NEK3: variants seen among roughly 807,000 people sequenced by gnomAD.
NEK3 encodes the protein NIMA related kinase 3.
Under a neutral mutation model 66.0 loss-of-function variants are expected in NEK3, and 54 were observed. The observed-to-expected ratio is 0.82, with a 90% CI of 0.66 to 1.03. The LOEUF is 1.03. Ranked by LOEUF, NEK3 falls within the 50% of genes least tolerant of loss-of-function variation. NEK3 has a pLI of 0.00. For synonymous variants in NEK3, 200 were observed against 206.2 expected, an observed-to-expected ratio of 0.97 and a Z score of 0.26; for missense variants, 593 against 603.0, an observed-to-expected ratio of 0.98 and a Z score of 0.17.
At chr13:52,151,735 AAG>A (rs1292142499) in intron 5 of NEK3, among the ~76,000 whole-genome samples, 1 of 152,226 alleles carries the variant, frequency 6.6e-6, no homozygotes, top group African/African-American at 2.4e-5. Context: ...TGGTCACTAA[AAG>A]AGAGCTAGGA....
intron 14 of NEK3, among the ~76,000 whole-genome samples, chr13:52,134,519 AC>A (rs1322756870): frequency 6.6e-6 from 1 of 152,208 alleles, no homozygotes; most frequent in Non-Finnish European, 1.5e-5. Context: ...CTGAAGGAAG[AC>A]CACATGCATG....
At chr13:52,148,216 A>C (rs1956310327) in intron 8 of NEK3, 199 bp downstream of exon 8, 1 of 445,374 alleles carries the variant, frequency 2.2e-6, no homozygotes, top group Admixed American at 3.7e-5. Flanking sequence ...TGTATTGCAC[A>C]GCCAAACTGA....
chr13:52,140,407 GA>G (rs1956238697), intron 11 of NEK3, among the ~76,000 whole-genome samples: 1 of 151,976 alleles, frequency 6.6e-6, no homozygotes, highest in Non-Finnish European at 1.5e-5. Context: ...AGGAGATCGA[GA>G]CCATCCTGGC....
In NEK3 at chr13:52,132,965, G is replaced by A; in HGVS notation, c.*177C>T. The A allele has an allele frequency of 1.7e-6, 1 of 595,358 alleles. No individual in the cohort carries two copies. The highest frequency in any genetic ancestry group is 3.0e-6 in the Non-Finnish European group (1 of 336,166). The allele number at this position is 595,358 out of a possible 1,614,324, so 36.9% of individuals were successfully genotyped here. A position where few individuals can be genotyped will look rare whatever the true frequency, so the allele number is the denominator to read the frequency against. ...CCCTTGAGTTCAAAAACTTACAGGAGTTCTAGACTTTTCAAACTCACGATA... is the reference window on the plus strand; with the variant it reads ...CCCTTGAGTTCAAAAACTTACAGGAATTCTAGACTTTTCAAACTCACGATA... On this transcript the variant is annotated 3_prime_UTR_variant, in exon 16 of 16. Coordinates refer to ENST00000610828, the MANE Select transcript of NEK3 (RefSeq NM_002498.3).
At chr13:52,153,027 C>T in intron 4 of NEK3, among the ~76,000 whole-genome samples, 1 of 152,098 alleles carries the variant, frequency 6.6e-6, no homozygotes, top group Non-Finnish European at 1.5e-5. Context: ...TACACTACAG[C>T]TTTTCTAGTG....
intron 1 of NEK3, chr13:52,156,498 T>C (rs1335171763): frequency 4.8e-6 from 1 of 209,220 alleles, no homozygotes; most frequent in African/African-American, 2.3e-5. Flanking sequence ...GTAATAAATA[T>C]CCATTTGTAA....
rs1263326326 is a variant in NEK3 at position 52,135,867 on chromosome 13, G to C, written c.1175-4C>G. ...CTGTACTTTATTACAGAACCACCTA[G>C]TTGCAAAAAGACAAAAATTAGTGCT... On this transcript the variant is annotated splice_region_variant and splice_polypyrimidine_tract_variant and intron_variant, in intron 13 of 15. Coordinates refer to ENST00000610828, the MANE Select transcript of NEK3 (RefSeq NM_002498.3). 1 of 1,605,866 alleles carries C rather than the reference G, an allele frequency of 6.2e-7. No individual in the cohort carries two copies. Among genetic ancestry groups the C allele is most frequent in the Non-Finnish European group, 8.5e-7 (1 of 1,177,836 alleles).
chr13:52,149,698 T>A (rs1220878986), intron 7 of NEK3, among the ~76,000 whole-genome samples: 1 of 152,000 alleles, frequency 6.6e-6, no homozygotes, highest in Admixed American at 6.6e-5. Flanking sequence ...TGAAACCCCA[T>A]CTCTACTAAA....
At chr13:52,142,420 G>A (rs1308163452) in intron 10 of NEK3, among the ~76,000 whole-genome samples, 1 of 152,022 alleles carries the variant, frequency 6.6e-6, no homozygotes, top group Admixed American at 6.5e-5. Context: ...GGGATTACAG[G>A]CACCTGCCAC....
chr13:52,152,812 G>A, intron 4 of NEK3, 120 bp from the exon 5 acceptor site: 2 of 587,592 alleles, frequency 3.4e-6, no homozygotes, highest in Admixed American at 3.2e-5. Context: ...TGTGAGTACA[G>A]AACTCCTATA....
At chr13:52,155,379 C>A (rs1362175209) in intron 2 of NEK3, among the ~76,000 whole-genome samples, 1 of 152,116 alleles carries the variant, frequency 6.6e-6, no homozygotes, top group African/African-American at 2.4e-5. Flanking sequence ...TTTACTGGTA[C>A]CAAAGGTTAG....
Position 52,152,755 on chromosome 13 carries a change from T to G in NEK3, c.310-63A>C, listed in dbSNP as rs1042514445. 4 of 1,053,392 alleles carry G rather than the reference T, an allele frequency of 3.8e-6. No individual in the cohort carries two copies. The African/African-American group carries it at 6.3e-5, about 17-fold the overall frequency. The allele number at this position is 1,053,392 out of a possible 1,614,324, so 65.3% of individuals were successfully genotyped here. On this transcript the variant is annotated intron_variant, in intron 4 of 15. Transcript: ENST00000610828. Reference sequence around the variant, plus strand: ...GTAACTGGCTCATGTTAACCTACAATTCCAAAGAATCATCTCTAGGCCTTA... The same window carrying G: ...GTAACTGGCTCATGTTAACCTACAAGTCCAAAGAATCATCTCTAGGCCTTA...
At chr13:52,153,843 G>A (rs1956367499) in intron 4 of NEK3, 52 bp downstream of exon 4, 2 of 1,176,946 alleles carry the variant, frequency 1.7e-6, no homozygotes, top group African/African-American at 3.1e-5. Flanking sequence ...TAAAGTTTAT[G>A]AGAAAAGTGG....
chr13:52,149,491 T>G (rs1358539489), intron 7 of NEK3, among the ~76,000 whole-genome samples: 1 of 152,214 alleles, frequency 6.6e-6, no homozygotes, highest in Non-Finnish European at 1.5e-5. Context: ...AATGTCCACA[T>G]GCCCTTATCT....
intron 12 of NEK3, 116 bp from the exon 13 acceptor site, chr13:52,136,375 C>A: frequency 9.6e-7 from 1 of 1,040,972 alleles, no homozygotes; most frequent in Non-Finnish European, 1.4e-6. Flanking sequence ...ATATTCAGAT[C>A]TATGTTTGAA....
At chr13:52,139,044 C>A (rs555932052) in intron 11 of NEK3, among the ~76,000 whole-genome samples, 190 of 152,224 alleles carry the variant, frequency 1.2e-3, no homozygotes, top group Non-Finnish European at 2.3e-3. Context: ...CTGTTAATAT[C>A]CACAGCTTTA....
At position 52,133,117 on chromosome 13, in the gene NEK3, T is replaced by C. The variant is rs1247467915; in HGVS notation, c.*25A>G. 8 of 1,581,716 alleles carry C rather than the reference T, an allele frequency of 5.1e-6. No homozygotes were observed. Among genetic ancestry groups the C allele is most frequent in the African/African-American group, 1.3e-5 (1 of 74,446 alleles). ...TCCTGAGTGAAGCCTCTCCTCAGCGTGACTCAGGAACATTTCCTCAGGCAT... is the reference window on the plus strand; with the variant it reads ...TCCTGAGTGAAGCCTCTCCTCAGCGCGACTCAGGAACATTTCCTCAGGCAT... On this transcript the variant is annotated 3_prime_UTR_variant, in exon 16 of 16. Coordinates refer to ENST00000610828, the MANE Select transcript of NEK3 (RefSeq NM_002498.3).
At chr13:52,145,397 G>A (rs1276644832) in intron 8 of NEK3, among the ~76,000 whole-genome samples, 1 of 152,112 alleles carries the variant, frequency 6.6e-6, no homozygotes, top group East Asian at 1.9e-4. Context: ...TTGACCTCCT[G>A]GGCTCAAGCG....
chr13:52,147,901 C>G (rs1217542039), intron 8 of NEK3, among the ~76,000 whole-genome samples: 1 of 152,156 alleles, frequency 6.6e-6, no homozygotes, highest in Admixed American at 6.6e-5. Context: ...GAGGCTGAGG[C>G]AGGAGAATCA....
Sources: allele counts gnomAD v4.1 joint callset (sites outside exome capture counted in the v4.1 genomes callset), GRCh38; gene constraint gnomAD v4.1.1; transcripts MANE v1.5; gene names NCBI Gene and HGNC (gene_info 2026-07-23, HGNC 2026-07-21).